ATRNL1: variants seen among roughly 807,000 people sequenced by gnomAD.
ATRNL1 encodes attractin-like protein 1.
Under a neutral mutation model 182.7 loss-of-function variants are expected in ATRNL1, and 95 were observed. That is an observed-to-expected ratio of 0.52 (90% CI 0.44 to 0.62). The LOEUF (loss-of-function observed/expected upper bound fraction) is 0.62, where lower values mean the gene tolerates loss of function less well. ATRNL1 is among the 20% of genes least tolerant of loss of function. The pLI, the probability that ATRNL1 is intolerant of heterozygous loss-of-function variation, is 0.00. For missense variants in ATRNL1, 1,471 were observed against 1,679.5 expected, an observed-to-expected ratio of 0.88 and a Z score of 2.17; for synonymous variants, 576 against 568.3, an observed-to-expected ratio of 1.01 and a Z score of -0.19.
chr10:115,790,848 A>G (rs575135372), intron 27 of ATRNL1, among the ~76,000 whole-genome samples: 2 of 152,278 alleles, frequency 1.3e-5, no homozygotes, highest in Admixed American at 6.5e-5. Context: ...ACATACTTCA[A>G]GCTTCACATA....
intron 19 of ATRNL1, among the ~76,000 whole-genome samples, chr10:115,368,021 G>A (rs921554754): frequency 6.6e-5 from 10 of 152,276 alleles, no homozygotes; most frequent in African/African-American, 1.9e-4. Context: ...AGGCAGGCAG[G>A]CCTCCTTGAG....
At chr10:115,223,933 T>A (rs1459796168) in intron 9 of ATRNL1, among the ~76,000 whole-genome samples, 2,583 of 85,506 alleles carry the variant, frequency 0.03, 61 homozygotes, top group African/African-American at 0.077. Context: ...ATATATATTT[T>A]TTTTTTTTTT....
At chr10:115,721,550 A>G (rs1459670155) in intron 26 of ATRNL1, among the ~76,000 whole-genome samples, 4 of 152,096 alleles carry the variant, frequency 2.6e-5, no homozygotes, top group Non-Finnish European at 5.9e-5. Context: ...GCGTTAAGAG[A>G]AAATGAAGAA....
At chr10:115,596,559 C>T (rs1483236948) in intron 26 of ATRNL1, among the ~76,000 whole-genome samples, 1 of 152,102 alleles carries the variant, frequency 6.6e-6, no homozygotes, top group Non-Finnish European at 1.5e-5. Context: ...GATCTTTGTG[C>T]TTTTATCTTA....
In ATRNL1 at chr10:115,368,340, C is replaced by G. The variant is rs188147696; in HGVS notation, c.3176-26319C>G. 3.3e-3 allele frequency among the ~76,000 whole-genome samples: 500 copies of G among 152,358 alleles called. 16 individuals carry two copies. The East Asian group carries it at 0.049, about 15-fold the overall frequency. Reference sequence around the variant, plus strand: ...GACTCGGAAAGGGAACTCCCTGACCCTTGCGCTTCCCAAGTGAGGCAAAGC... The same window carrying G: ...GACTCGGAAAGGGAACTCCCTGACCGTTGCGCTTCCCAAGTGAGGCAAAGC... On this transcript the variant is annotated intron_variant, in intron 19 of 28. Transcript: ENST00000355044.
chr10:115,370,922 C>T (rs1321989726), intron 19 of ATRNL1, among the ~76,000 whole-genome samples: 2 of 152,080 alleles, frequency 1.3e-5, no homozygotes, highest in African/African-American at 4.8e-5. Flanking sequence ...TTTTTGTAGG[C>T]CAGGCCCAGG....
intron 5 of ATRNL1, among the ~76,000 whole-genome samples, chr10:115,140,384 A>G (rs1554877738): frequency 2.0e-5 from 3 of 152,242 alleles, no homozygotes; most frequent in Non-Finnish European, 2.9e-5. Context: ...GATTGTTACC[A>G]TAATTAACAA....
intron 25 of ATRNL1, among the ~76,000 whole-genome samples, chr10:115,529,100 A>C (rs1234306837): frequency 6.6e-6 from 1 of 151,890 alleles, no homozygotes; most frequent in Non-Finnish European, 1.5e-5. Context: ...TTTTAGGTAG[A>C]ATATCCTGTA....
intron 24 of ATRNL1, among the ~76,000 whole-genome samples, chr10:115,509,532 ACT>A (rs1468257497): frequency 6.6e-6 from 1 of 151,208 alleles, no homozygotes; most frequent in Non-Finnish European, 1.5e-5. Flanking sequence ...CCCCCTCTTC[ACT>A]CTCTCATTCC....
intron 19 of ATRNL1, 42 bp downstream of exon 19, chr10:115,334,461 G>A (rs1554936103): frequency 1.4e-6 from 2 of 1,451,178 alleles, no homozygotes; most frequent in Non-Finnish European, 1.8e-6. Context: ...TTTTACTAAG[G>A]AAAAGATAAT....
intron 5 of ATRNL1, among the ~76,000 whole-genome samples, chr10:115,157,228 G>GA (rs1221619152): frequency 6.6e-6 from 1 of 151,782 alleles, no homozygotes; most frequent in African/African-American, 2.4e-5. Context: ...TTCAGTATCA[G>GA]AAAAAAAATT....
rs530455188 is a variant in ATRNL1, at chr10:115,129,262, A to G, written c.621-65A>G. On this transcript the variant is annotated intron_variant, in intron 4 of 28. Coordinates refer to ENST00000355044, the MANE Select transcript of ATRNL1 (RefSeq NM_207303.4). ...CAGTATAAAAATTATAAAGTTTATG[A>G]TGTATCAACCAAAATTCTTTTTCAA... The G allele has an allele frequency of 6.8e-5, 83 of 1,214,834 alleles. 1 individual carries two copies. The African/African-American group carries it at 1.1e-3, about 16-fold the overall frequency. 75.3% of individuals were successfully genotyped at this position (1,214,834 alleles called of 1,614,324 possible).
intron 5 of ATRNL1, among the ~76,000 whole-genome samples, chr10:115,152,798 T>G (rs1554881007): frequency 1.3e-5 from 2 of 152,190 alleles, no homozygotes; most frequent in Non-Finnish European, 2.9e-5. Context: ...GTGCCCGTTT[T>G]CAAAGGGAAT....
intron 26 of ATRNL1, among the ~76,000 whole-genome samples, chr10:115,573,999 G>A (rs1555004291): frequency 6.6e-6 from 1 of 152,090 alleles, no homozygotes. Flanking sequence ...AGACAGGAAA[G>A]AAATGGGTAA....
intron 5 of ATRNL1, among the ~76,000 whole-genome samples, chr10:115,144,548 C>T (rs1331694200): frequency 2.6e-5 from 4 of 152,120 alleles, no homozygotes; most frequent in Non-Finnish European, 4.4e-5. Context: ...CCGCCTTAGC[C>T]GCCCAAAATG....
At chr10:115,555,295 C>T (rs77403677) in intron 26 of ATRNL1, among the ~76,000 whole-genome samples, 4,013 of 151,528 alleles carry the variant, frequency 0.026, 146 homozygotes, top group African/African-American at 0.09. Context: ...ATGTTTACTC[C>T]GTATATTATC....
intron 28 of ATRNL1, among the ~76,000 whole-genome samples, chr10:115,868,469 A>G (rs777079346): frequency 1.2e-4 from 18 of 152,196 alleles, no homozygotes; most frequent in Non-Finnish European, 1.3e-4. Context: ...AACTAAGAGC[A>G]GCATGGAGGC....
Position 115,495,492 on chromosome 10 carries a change from T to A in ATRNL1, c.3655-23771T>A, listed in dbSNP as rs79101965. Among the ~76,000 whole-genome samples, 501 of 152,284 alleles carry A rather than the reference T, an allele frequency of 3.3e-3. 6 individuals are homozygous for A. The highest frequency in any genetic ancestry group is 0.012 in the African/African-American group (490 of 41,562). On this transcript the variant is annotated intron_variant, in intron 24 of 28. Transcript: ENST00000355044. Reference sequence around the variant, plus strand: ...TTTCCTCTTAACACTGCTTTAACTGTGCTCCAGAGATTCTGGTGTTTTGCA... The same window carrying A: ...TTTCCTCTTAACACTGCTTTAACTGAGCTCCAGAGATTCTGGTGTTTTGCA...
chr10:115,663,820 G>A (rs1385849341), intron 26 of ATRNL1, among the ~76,000 whole-genome samples: 1 of 152,052 alleles, frequency 6.6e-6, no homozygotes, highest in Non-Finnish European at 1.5e-5. Context: ...AAACTGAAGA[G>A]CGTCATGAAT....
Sources: allele counts gnomAD v4.1 joint callset (sites outside exome capture counted in the v4.1 genomes callset), GRCh38; gene constraint gnomAD v4.1.1; transcripts MANE v1.5; gene names NCBI Gene and HGNC (gene_info 2026-07-23, HGNC 2026-07-21).